The following RUFY2 variants were observed in gnomAD, a reference collection of about 807,000 sequenced individuals.
RUFY2 encodes the protein RUN and FYVE domain containing 2, also known as RUN and FYVE domain-containing protein 2.
Under a neutral mutation model 94.4 loss-of-function variants are expected in RUFY2, and 49 were observed. That is an observed-to-expected ratio of 0.52 (90% CI 0.41 to 0.66). The LOEUF is 0.66. Among genes scored for constraint, RUFY2 ranks in the 30% least tolerant of loss-of-function variants. The probability of loss-of-function intolerance (pLI) is 0.00; values close to 1 mark genes in which losing one functional copy is unlikely to be tolerated. For missense variants in RUFY2, 541 were observed against 692.8 expected (o/e 0.78, Z 2.46); for synonymous variants, 255 against 235.7 (o/e 1.08, Z -0.75).
At chr10:68,396,505 A>G (rs1284223628) in intron 4 of RUFY2, among the ~76,000 whole-genome samples, 1 of 152,186 alleles carries the variant, frequency 6.6e-6, no homozygotes, top group Non-Finnish European at 1.5e-5. Flanking sequence ...AGGCAGGGCA[A>G]AAGAAAAAAT....
chr10:68,380,987 T>C (rs2049021315), intron 11 of RUFY2, among the ~76,000 whole-genome samples: 1 of 152,030 alleles, frequency 6.6e-6, no homozygotes, highest in Non-Finnish European at 1.5e-5. Context: ...AAATTGAGAG[T>C]TTTCCCAAAA....
At chr10:68,342,009 T>TG (rs2045996974), downstream of RUFY2, 4 of 1,613,998 alleles carry the variant, frequency 2.5e-6, no homozygotes, top group Non-Finnish European at 3.4e-6. Flanking sequence ...GAGGTTACTA[T>TG]GGGCAAGGCG....
rs919810383 is a variant in RUFY2 at position 68,343,417 on chromosome 10, A to AGTT, written c.*2348_*2350dup. The stretch of plus-strand genomic sequence containing the variant: ...GCATACACCACCTGTCTTTTTTGAA[A>AGTT]GTTGTATGTGTTTTATTTTCCCAGG... On this transcript the variant is annotated 3_prime_UTR_variant, in exon 18 of 18. Transcript: ENST00000602465. 1 of 152,568 alleles carries AGTT rather than the reference A, an allele frequency of 6.6e-6. No individual in the cohort carries two copies. Among genetic ancestry groups the AGTT allele is most frequent in the African/African-American group, 2.4e-5 (1 of 41,436 alleles). 9.5% of individuals were successfully genotyped at this position (152,568 alleles called of 1,614,324 possible). A position where few individuals can be genotyped will look rare whatever the true frequency, so the allele number is the denominator to read the frequency against.
At chr10:68,341,679 G>A (rs146848138), downstream of RUFY2, 1 of 1,610,194 alleles carries the variant, frequency 6.2e-7, no homozygotes, top group Non-Finnish European at 8.5e-7. Flanking sequence ...GAGATGGAAT[G>A]GGTATGTAAA....
intron 15 of RUFY2, 84 bp from the exon 16 acceptor site, chr10:68,355,485 C>T: frequency 1.3e-6 from 1 of 798,600 alleles, no homozygotes; most frequent in East Asian, 2.7e-5. Context: ...ATTGGTATTT[C>T]ATAGGATATA....
chr10:68,365,270 A>C (rs574061475), intron 13 of RUFY2, among the ~76,000 whole-genome samples: 1 of 152,336 alleles, frequency 6.6e-6, no homozygotes, highest in East Asian at 1.9e-4. Context: ...CTCTTCAACT[A>C]ATGTTATTTC....
intron 3 of RUFY2, among the ~76,000 whole-genome samples, chr10:68,398,295 T>C (rs10998112): frequency 0.06 from 9,144 of 152,220 alleles, 373 homozygotes; most frequent in African/African-American, 0.11. Context: ...AATGTTTCTT[T>C]AATTTGGTTG....
intron 15 of RUFY2, 27 bp from the exon 16 acceptor site, chr10:68,355,428 T>C (rs2046977718): frequency 7.1e-7 from 1 of 1,408,510 alleles, no homozygotes; most frequent in Non-Finnish European, 1.0e-6. Flanking sequence ...TAGGTCCAAA[T>C]TTCAGTACAC....
chr10:68,384,280 C>A, intron 8 of RUFY2, 128 bp from the exon 9 acceptor site: 1 of 1,216,524 alleles, frequency 8.2e-7, no homozygotes, highest in Non-Finnish European at 1.1e-6. Context: ...GTCACATTCA[C>A]AGAAACGTTC....
intron 11 of RUFY2, among the ~76,000 whole-genome samples, chr10:68,379,735 G>C (rs1222381829): frequency 6.6e-6 from 1 of 151,916 alleles, no homozygotes; most frequent in Non-Finnish European, 1.5e-5. Context: ...ATTTTGCTAT[G>C]GGACTGTTAC....
chr10:68,377,264 T>C lies in RUFY2; in HGVS notation c.1206-292A>G, dbSNP rs567584824. On this transcript the variant is annotated intron_variant, in intron 12 of 17. Transcript: ENST00000602465. Reference sequence around the variant, plus strand: ...AAAGCAATACAGCCTTTACCACTTATGCAGAGCATAACGAATCAAATTTCA... The same window carrying C: ...AAAGCAATACAGCCTTTACCACTTACGCAGAGCATAACGAATCAAATTTCA... 8.2e-6 allele frequency: 10 copies of C among 1,225,536 alleles called. No homozygotes were observed. The African/African-American group carries it at 1.6e-4, about 19-fold the overall frequency. 75.9% of individuals were successfully genotyped at this position (1,225,536 alleles called of 1,614,324 possible).
chr10:68,365,410 T>G (rs1002108329), intron 13 of RUFY2, among the ~76,000 whole-genome samples: 7 of 152,194 alleles, frequency 4.6e-5, no homozygotes, highest in African/African-American at 1.7e-4. Context: ...CCCAAAGATG[T>G]GCACGTTAGA....
At chr10:68,395,275 T>C (rs1336185911) in intron 4 of RUFY2, among the ~76,000 whole-genome samples, 1 of 151,550 alleles carries the variant, frequency 6.6e-6, no homozygotes, top group Non-Finnish European at 1.5e-5. Flanking sequence ...GAGGCAGAGG[T>C]TGCAGTGAGC....
At chr10:68,403,620 A>G (rs1054259702) in intron 2 of RUFY2, among the ~76,000 whole-genome samples, 2 of 152,216 alleles carry the variant, frequency 1.3e-5, no homozygotes, top group Admixed American at 6.5e-5. Flanking sequence ...ATGTACAAAA[A>G]GAGTATCTTT....
chr10:68,366,993 C>T (rs990090172), intron 13 of RUFY2, among the ~76,000 whole-genome samples: 1 of 150,472 alleles, frequency 6.6e-6, no homozygotes, highest in Non-Finnish European at 1.5e-5. Flanking sequence ...CATGGTGAAA[C>T]CCTGTCTCTA....
At chr10:68,341,620 C>T (rs746089047), downstream of RUFY2, 27 of 1,613,276 alleles carry the variant, frequency 1.7e-5, no homozygotes, top group Middle Eastern at 1.6e-4. Context: ...GAATTCTACT[C>T]CTGGAGGCGG....
chr10:68,369,599 G>T (rs1374733387), intron 13 of RUFY2, among the ~76,000 whole-genome samples: 1 of 152,022 alleles, frequency 6.6e-6, no homozygotes, highest in Non-Finnish European at 1.5e-5. Flanking sequence ...GGACTAACAG[G>T]TTATCACAAG....
rs1341506934 is a variant in RUFY2, at chr10:68,363,677, AG to A, written c.1462del (p.Asn489ThrfsTer9). 1 of 1,587,720 alleles carries A rather than the reference AG, an allele frequency of 6.3e-7. No individual in the cohort carries two copies. The highest frequency in any genetic ancestry group is 8.6e-7 in the Non-Finnish European group (1 of 1,165,200). ...QQIISLKKEF[L>X]NLQDENQQLK... ...CTGCTGATTTTCATCCTGGAGGTTA[AG>A]GAACTCCTTCAGAACAATAAAAGAC... On this transcript the variant is annotated frameshift_variant, in exon 15 of 18. Coordinates refer to ENST00000602465, the MANE Select transcript of RUFY2 (RefSeq NM_001330103.2). LOFTEE classifies it high-confidence loss of function.
intron 1 of RUFY2, chr10:68,405,472 A>T (rs2051218323): frequency 3.1e-6 from 3 of 974,902 alleles, no homozygotes; most frequent in Non-Finnish European, 3.7e-6. Flanking sequence ...GTTTTTTAAA[A>T]TGATCTTCTA....
Sources: gnomAD v4.1 joint callset for allele counts (sites outside exome capture counted in the v4.1 genomes callset) on GRCh38, gnomAD v4.1.1 for gene constraint, MANE v1.5 for transcripts, NCBI Gene and HGNC (gene_info 2026-07-23, HGNC 2026-07-21) for gene names.